Variants in CRYBG2 observed in about 807,000 individuals in gnomAD.
CRYBG2 encodes the protein crystallin beta-gamma domain containing 2.
In CRYBG2, 106 loss-of-function variants were observed where a neutral mutation model predicts 153.4. The observed-to-expected ratio is 0.69, with a 90% CI of 0.59 to 0.81. The LOEUF (loss-of-function observed/expected upper bound fraction) is 0.81, where lower values mean the gene tolerates loss of function less well. CRYBG2 is among the 30% of genes least tolerant of loss of function. The probability of loss-of-function intolerance (pLI) is 0.00; values close to 1 mark genes in which losing one functional copy is unlikely to be tolerated. For synonymous variants in CRYBG2, 851 were observed against 877.8 expected, an observed-to-expected ratio of 0.97 and a Z score of 0.54; for missense variants, 1,996 against 2,112.0, an observed-to-expected ratio of 0.95 and a Z score of 1.08.
chr1:26,343,009 T>G lies in CRYBG2; in HGVS notation c.3074+38A>C. On this transcript the variant is annotated intron_variant, in intron 4 of 19. Coordinates refer to ENST00000308182, the MANE Select transcript of CRYBG2 (RefSeq NM_001039775.4). The surrounding 1 kb of genome is among the most constrained non-coding windows in gnomAD (Gnocchi z 4.1). The stretch of plus-strand genomic sequence containing the variant: ...TCACTCCCCTCTGCATCCCCCCAGG[T>G]TCACAGCCAAGTGCCTTGCTGGGCA... 1 of 1,535,788 alleles carries G rather than the reference T, an allele frequency of 6.5e-7. No individual in the cohort carries two copies. Among genetic ancestry groups the G allele is most frequent in the Non-Finnish European group, 8.8e-7 (1 of 1,136,952 alleles).
chr1:26,344,408 C>A lies in CRYBG2; in HGVS notation c.2250G>T (p.Glu750Asp). ...SDPTEGKTCT[E>D]TSREEDEVAL... ...CCACCTCATCCTCCTCCCTTGATGTCTCTGTGCACGTCTTGCCCTCGGTGG... is the reference window on the plus strand; with the variant it reads ...CCACCTCATCCTCCTCCCTTGATGTATCTGTGCACGTCTTGCCCTCGGTGG... The change falls in exon 2 of 20, where the codon GAG becomes GAT. Residue 750 changes from glutamate (E) to aspartate (D), a missense_variant. By Grantham distance (45) the Glu-to-Asp change is conservative. Transcript: ENST00000308182. 1 of 1,522,954 alleles carries A rather than the reference C, an allele frequency of 6.6e-7. No individual in the cohort carries two copies. The highest frequency in any genetic ancestry group is 1.3e-5 in the South Asian group (1 of 79,780). The allele number at this position is 1,522,954 out of a possible 1,614,324, so 94.3% of individuals were successfully genotyped here.
intron 10 of CRYBG2, 83 bp from the exon 11 acceptor site, chr1:26,337,063 C>T: frequency 2.5e-6 from 4 of 1,578,322 alleles, no homozygotes; most frequent in Non-Finnish European, 1.7e-6. Flanking sequence ...TCACAGCCCA[C>T]CCGGGGAATT....
At position 26,345,210 on chromosome 1, in the gene CRYBG2, C is replaced by T. The variant is rs769326387; in HGVS notation, c.1448G>A (p.Gly483Glu). 3.4e-6 allele frequency: 5 copies of T among 1,479,906 alleles called. No individual in the cohort carries two copies. Among genetic ancestry groups the T allele is most frequent in the African/African-American group, 2.8e-5 (2 of 70,598 alleles). The allele number at this position is 1,479,906 out of a possible 1,614,324, so 91.7% of individuals were successfully genotyped here. A position where few individuals can be genotyped will look rare whatever the true frequency, so the allele number is the denominator to read the frequency against. ...SSPTRKEVVQ[G>E]SSASAASSPT... ...GGACGAGGCAGCAGAAGCACTGGAC[C>T]CCTGCACCACCTCCTTCCGGGTGGG... The change falls in exon 2 of 20, where the codon GGG (glycine) becomes GAG (glutamate). Residue 483 changes from glycine (G) to glutamate (E), a missense_variant. By Grantham distance (98) the Gly-to-Glu change is moderately conservative. Coordinates refer to ENST00000308182, the MANE Select transcript of CRYBG2 (RefSeq NM_001039775.4).
At chr1:26,342,915 G>C (rs749766353) in intron 4 of CRYBG2, 32 bp from the exon 5 acceptor site, 2 of 1,613,026 alleles carry the variant, frequency 1.2e-6, no homozygotes, top group Non-Finnish European at 1.7e-6. Context: ...GATCACAGAT[G>C]GGGAGGAGGA....
At chr1:26,334,155 G>A (rs2074028189) in intron 14 of CRYBG2, among the ~76,000 whole-genome samples, 2 of 152,224 alleles carry the variant, frequency 1.3e-5, no homozygotes, top group Non-Finnish European at 2.9e-5. Context: ...AGGTGCAGTG[G>A]CTCACACCTG....
In CRYBG2 at chr1:26,336,629, C is replaced by T. The variant is rs2074060429; in HGVS notation, c.4015G>A (p.Ala1339Thr). 5 of 1,550,216 alleles carry T rather than the reference C, an allele frequency of 3.2e-6. No homozygotes were observed. Among genetic ancestry groups the T allele is most frequent in the Non-Finnish European group, 3.5e-6 (4 of 1,146,752 alleles). ...ACCTGTAGGACCGGCTGCAGCGAGG[C>T]GAGGGTGCTGTTGCCAGCGCCCCAG... ...EDWGAGNSTL[A>T]SLQPVLQVGE... The change falls in exon 12 of 20, where the codon GCC becomes ACC. Residue 1339 changes from alanine (A) to threonine (T), a missense_variant. Coordinates refer to ENST00000308182, the MANE Select transcript of CRYBG2 (RefSeq NM_001039775.4). This position sits in a 1 kb window ranked among gnomAD's most constrained non-coding sequence, Gnocchi z 4.9.
In CRYBG2 at chr1:26,339,320, T is replaced by A; in HGVS notation, c.3314A>T (p.Gln1105Leu). The A allele has an allele frequency of 6.2e-7, 1 of 1,614,188 alleles. No individual in the cohort carries two copies. ...KNSQGLEKPLQVASATVSAGL... is the reference protein window; with the variant it reads ...KNSQGLEKPLLVASATVSAGL... ...TGCAGAGACGGTGGCAGATGCCACC[T>A]GCAGGGGCTTCTCCAGACCCTGGGA... The change falls in exon 6 of 20, where the codon CAG becomes CTG. Residue 1105 changes from glutamine (Q) to leucine (L), a missense_variant. Physicochemically the swap from Gln to Leu is moderately radical, Grantham distance 113. Coordinates refer to ENST00000308182, the MANE Select transcript of CRYBG2 (RefSeq NM_001039775.4).
intron 14 of CRYBG2, among the ~76,000 whole-genome samples, chr1:26,335,304 C>T (rs985139604): frequency 3.3e-5 from 5 of 151,402 alleles, no homozygotes; most frequent in Non-Finnish European, 7.4e-5. Context: ...TGGAGAAACC[C>T]CATCTCTACT....
At position 26,325,279 on chromosome 1, in the gene CRYBG2, C is replaced by A. The variant is rs139367549; in HGVS notation, c.4579-969G>T. On this transcript the variant is annotated intron_variant, in intron 17 of 19. Transcript: ENST00000308182. The surrounding 1 kb of genome is among the most constrained non-coding windows in gnomAD (Gnocchi z 4.1). ...GCGCAGTCATAAATGCAATCCCGGCCGGGCGCGGAGGCTCACGCCTGTAAT... is the reference window on the plus strand; with the variant it reads ...GCGCAGTCATAAATGCAATCCCGGCAGGGCGCGGAGGCTCACGCCTGTAAT... Among the ~76,000 whole-genome samples the A allele has an allele frequency of 6.6e-6, 1 of 152,180 alleles. No individual in the cohort carries two copies.
chr1:26,349,809 C>CTTTTT (rs57826673), intron 1 of CRYBG2, among the ~76,000 whole-genome samples: 5 of 70,684 alleles, frequency 7.1e-5, no homozygotes, highest in Admixed American at 1.8e-4. Flanking sequence ...GGACTAGAGG[C>CTTTTT]TTTTTTTTTT....
Position 26,343,936 on chromosome 1 carries a change from G to A in CRYBG2, c.2722C>T (p.Leu908Phe), listed in dbSNP as rs1216255325. 6.5e-7 allele frequency: 1 copy of A among 1,539,292 alleles called. No individual in the cohort carries two copies. The highest frequency in any genetic ancestry group is 2.0e-5 in the Admixed American group (1 of 50,784). Residue 908 changes from leucine (L) to phenylalanine (F), a missense_variant, in exon 2 of 20, where the codon CTT (leucine) becomes TTT (phenylalanine). Transcript: ENST00000308182. This position sits in a 1 kb window ranked among gnomAD's most constrained non-coding sequence, Gnocchi z 4.1. ...SRPTSRLGGS[L>F]LFGSLVPTAK... Reference sequence around the variant, plus strand: ...GTAGGCACCAGACTGCCGAACAGAAGGCTGCCTCCAAGACGGGAAGTGGGC... The same window carrying A: ...GTAGGCACCAGACTGCCGAACAGAAAGCTGCCTCCAAGACGGGAAGTGGGC...
At chr1:26,341,995 G>C (rs574644750) in intron 5 of CRYBG2, among the ~76,000 whole-genome samples, 8 of 152,272 alleles carry the variant, frequency 5.3e-5, no homozygotes, top group African/African-American at 1.9e-4. Context: ...TAGCTTGACT[G>C]TAAGTCCTGA....
rs540474304 is a variant in CRYBG2 at position 26,336,288 on chromosome 1, T to G, written c.4071+50A>C. 3 of 1,609,132 alleles carry G rather than the reference T, an allele frequency of 1.9e-6. No homozygotes were observed. The highest frequency in any genetic ancestry group is 1.1e-5 in the South Asian group (1 of 90,398). On this transcript the variant is annotated intron_variant, in intron 13 of 19. Coordinates refer to ENST00000308182, the MANE Select transcript of CRYBG2 (RefSeq NM_001039775.4). This position sits in a 1 kb window ranked among gnomAD's most constrained non-coding sequence, Gnocchi z 4.9. ...CAGCGGGGAGGGGAAAGGTCCGAAATGAGGGGAGAGACGTGAGCCCAGCGG... is the reference window on the plus strand; with the variant it reads ...CAGCGGGGAGGGGAAAGGTCCGAAAGGAGGGGAGAGACGTGAGCCCAGCGG...
chr1:26,348,321 C>G (rs532219120), intron 1 of CRYBG2, among the ~76,000 whole-genome samples: 1 of 152,304 alleles, frequency 6.6e-6, no homozygotes, highest in African/African-American at 2.4e-5. Flanking sequence ...CTTTGGGAGG[C>G]AGAGGTGGGA....
chr1:26,328,138 A>C, intron 17 of CRYBG2, 71 bp downstream of exon 17: 2 of 1,523,716 alleles, frequency 1.3e-6, no homozygotes, highest in Admixed American at 4.1e-5. Context: ...ACACAGCTAG[A>C]CACTCATCCA....
intron 6 of CRYBG2, among the ~76,000 whole-genome samples, chr1:26,338,929 A>T (rs1183870686): frequency 3.9e-5 from 6 of 152,172 alleles, no homozygotes; most frequent in African/African-American, 1.4e-4. Flanking sequence ...TTCAATTGAC[A>T]AATATTTAGA....
chr1:26,352,902 G>A (rs989342058), intron 1 of CRYBG2, among the ~76,000 whole-genome samples: 3 of 151,800 alleles, frequency 2.0e-5, no homozygotes, highest in Admixed American at 6.6e-5. Context: ...TGGCACGGAA[G>A]CAGTCACATT....
At chr1:26,348,920 G>A (rs547292955) in intron 1 of CRYBG2, among the ~76,000 whole-genome samples, 1 of 151,842 alleles carries the variant, frequency 6.6e-6, no homozygotes, top group African/African-American at 2.4e-5. Context: ...TGTAATCCCA[G>A]CACTTTGGGA....
intron 5 of CRYBG2, among the ~76,000 whole-genome samples, chr1:26,340,232 C>T (rs959271449): frequency 3.9e-5 from 6 of 152,174 alleles, no homozygotes; most frequent in South Asian, 2.1e-4. Flanking sequence ...CAAATATGTA[C>T]GAAGCATCTA....
Sources: gnomAD v4.1 joint callset for allele counts (sites outside exome capture counted in the v4.1 genomes callset) on GRCh38, gnomAD v4.1.1 for gene constraint, Gnocchi (gnomAD v3.1) non-coding constraint, MANE v1.5 for transcripts, NCBI Gene and HGNC (gene_info 2026-07-23, HGNC 2026-07-21) for gene names.